The following DSTYK variants were observed in gnomAD, a reference collection of about 807,000 sequenced individuals.
DSTYK encodes the protein dual serine/threonine and tyrosine protein kinase.
Under a neutral mutation model 98.7 loss-of-function variants are expected in DSTYK, and 34 were observed. The ratio of observed to expected loss-of-function variants is 0.34; its 90% CI spans 0.26 to 0.46. DSTYK has a LOEUF of 0.46. DSTYK is among the 20% of genes least tolerant of loss of function. DSTYK has a pLI of 1.00. For synonymous variants in DSTYK, 462 were observed against 457.3 expected (o/e 1.01, Z -0.13); for missense variants, 962 against 1,181.7 (o/e 0.81, Z 2.73).
chr1:205,187,190 G>C (rs1299209703), intron 2 of DSTYK, among the ~76,000 whole-genome samples: 1 of 152,192 alleles, frequency 6.6e-6, no homozygotes, highest in Non-Finnish European at 1.5e-5. Flanking sequence ...GAAGTGAGGA[G>C]ACAAGCAAAC....
rs1326263655 is a variant in DSTYK at position 205,147,123 on chromosome 1, G to C, written c.*435C>G. On this transcript the variant is annotated 3_prime_UTR_variant, in exon 13 of 13. Transcript: ENST00000367162. ...CATGTTTTCATAATCCCAGAACTAA[G>C]CTCAAATTTTCTGAGTCCTGACTAA... 6.5e-6 allele frequency: 1 copy of C among 153,754 alleles called. No homozygotes were observed. The allele number at this position is 153,754 out of a possible 1,614,324, so 9.5% of individuals were successfully genotyped here. A position where few individuals can be genotyped will look rare whatever the true frequency, so the allele number is the denominator to read the frequency against.
At chr1:205,172,243 C>CTGG (rs1217858174) in intron 2 of DSTYK, among the ~76,000 whole-genome samples, 3 of 151,944 alleles carry the variant, frequency 2.0e-5, no homozygotes, top group Admixed American at 2.0e-4. Flanking sequence ...AGGTGTGAGC[C>CTGG]ACCACACCCA....
chr1:205,198,631 A>C lies in DSTYK; in HGVS notation c.266-10825T>G, dbSNP rs963450642. On this transcript the variant is annotated intron_variant, in intron 1 of 12. Transcript: ENST00000367162. ...TTCTCACTGTCCCTCTCATTTGAAT[A>C]GAAAGAGCTTTTATTTAAAATAGTC... 5.3e-5 allele frequency among the ~76,000 whole-genome samples: 8 copies of C among 152,340 alleles called. No homozygotes were observed. The East Asian group carries it at 1.3e-3, about 26-fold the overall frequency.
In DSTYK at chr1:205,144,816, A is replaced by G. The variant is rs903118974; in HGVS notation, c.*2742T>C. On this transcript the variant is annotated 3_prime_UTR_variant, in exon 13 of 13. Transcript: ENST00000367162. ...GGAAAAAACTGTTGGGGAATCTGCT[A>G]GAGAACTGGTATCTGACAGCAAACT... is the stretch of plus-strand genomic sequence containing the variant. The G allele has an allele frequency of 2.0e-5, 3 of 152,178 alleles. No individual in the cohort carries two copies. The highest frequency in any genetic ancestry group is 7.2e-5 in the African/African-American group (3 of 41,444). The allele number at this position is 152,178 out of a possible 1,614,324, so 9.4% of individuals were successfully genotyped here.
chr1:205,191,644 A>G (rs1433953665), intron 1 of DSTYK, among the ~76,000 whole-genome samples: 1 of 152,196 alleles, frequency 6.6e-6, no homozygotes, highest in African/African-American at 2.4e-5. Flanking sequence ...TGTGAATTTA[A>G]TTACGCAAGT....
intron 11 of DSTYK, 127 bp from the exon 12 acceptor site, chr1:205,148,466 A>G: frequency 8.6e-7 from 1 of 1,159,062 alleles, no homozygotes; most frequent in Non-Finnish European, 1.2e-6. Flanking sequence ...CTCAATAACA[A>G]CCCTGCCAGG....
intron 4 of DSTYK, among the ~76,000 whole-genome samples, 153 bp downstream of exon 4, chr1:205,163,570 G>A (rs1291693192): frequency 6.6e-6 from 1 of 152,160 alleles, no homozygotes; most frequent in Non-Finnish European, 1.5e-5. Flanking sequence ...TCTCCCACAG[G>A]CAGTGGTCAT....
chr1:205,207,280 C>T (rs1189448070), intron 1 of DSTYK, among the ~76,000 whole-genome samples: 3 of 149,764 alleles, frequency 2.0e-5, no homozygotes, highest in African/African-American at 7.4e-5. Context: ...GGTTTCACCA[C>T]GTTGGCCAGG....
chr1:205,208,802 T>C (rs1223017195), intron 1 of DSTYK, among the ~76,000 whole-genome samples: 1 of 152,216 alleles, frequency 6.6e-6, no homozygotes, highest in Non-Finnish European at 1.5e-5. Context: ...GCTAGTTGTC[T>C]TTTTAGGAGT....
chr1:205,199,049 C>A (rs111809819), intron 1 of DSTYK, among the ~76,000 whole-genome samples: 3 of 152,000 alleles, frequency 2.0e-5, no homozygotes, highest in Non-Finnish European at 4.4e-5. Context: ...TTTAAAAAAT[C>A]AAAGGCTTTT....
At chr1:205,152,064 T>C (rs1158768311) in intron 10 of DSTYK, among the ~76,000 whole-genome samples, 1 of 152,254 alleles carries the variant, frequency 6.6e-6, no homozygotes, top group Non-Finnish European at 1.5e-5. Context: ...TGCTATACTT[T>C]TATATCAGTA....
chr1:205,196,758 A>ATTTTTTTTTT (rs113524415), intron 1 of DSTYK, among the ~76,000 whole-genome samples: 1 of 109,866 alleles, frequency 9.1e-6, no homozygotes, highest in Non-Finnish European at 1.7e-5. Flanking sequence ...AAAATGGTGA[A>ATTTTTTTTTT]TTTTTTTTTT....
At chr1:205,170,437 T>A (rs1658025177) in intron 2 of DSTYK, among the ~76,000 whole-genome samples, 1 of 152,184 alleles carries the variant, frequency 6.6e-6, no homozygotes, top group African/African-American at 2.4e-5. Context: ...CTTTCCCCCA[T>A]GGGTCTGTAA....
rs1431869026 is a variant in DSTYK, at chr1:205,146,189, A to G, written c.*1369T>C. The G allele has an allele frequency of 6.6e-6, 1 of 152,192 alleles. No individual in the cohort carries two copies. The allele number at this position is 152,192 out of a possible 1,614,324, so 9.4% of individuals were successfully genotyped here. A position where few individuals can be genotyped will look rare whatever the true frequency, so the allele number is the denominator to read the frequency against. Reference sequence around the variant, plus strand: ...AAAGCTCATTGATCAAGTTTTCCAAACGTCAGTGTGTTAGATTCAAACACA... The same window carrying G: ...AAAGCTCATTGATCAAGTTTTCCAAGCGTCAGTGTGTTAGATTCAAACACA... On this transcript the variant is annotated 3_prime_UTR_variant, in exon 13 of 13. Coordinates refer to ENST00000367162, the MANE Select transcript of DSTYK (RefSeq NM_015375.3).
intron 1 of DSTYK, among the ~76,000 whole-genome samples, chr1:205,192,270 G>T (rs1046446850): frequency 6.6e-6 from 1 of 152,124 alleles, no homozygotes; most frequent in Admixed American, 6.5e-5. Flanking sequence ...GGTGGCTCAC[G>T]CCTATAATCC....
Position 205,145,862 on chromosome 1 carries a change from T to G in DSTYK, c.*1696A>C, listed in dbSNP as rs778190852. 13 of 152,200 alleles carry G rather than the reference T, an allele frequency of 8.5e-5. No individual in the cohort carries two copies. The highest frequency in any genetic ancestry group is 1.8e-4 in the Non-Finnish European group (12 of 68,048). 9.4% of individuals were successfully genotyped at this position (152,200 alleles called of 1,614,324 possible). A position where few individuals can be genotyped will look rare whatever the true frequency, so the allele number is the denominator to read the frequency against. ...GTTTTTCGGAATCTAATGGACCAGT[T>G]TGGTTGAGGAAGGCTTGAAGTCAAG... On this transcript the variant is annotated 3_prime_UTR_variant, in exon 13 of 13. Coordinates refer to ENST00000367162, the MANE Select transcript of DSTYK (RefSeq NM_015375.3).
At chr1:205,209,958 T>C (rs1451191543) in intron 1 of DSTYK, among the ~76,000 whole-genome samples, 5 of 152,024 alleles carry the variant, frequency 3.3e-5, no homozygotes, top group Non-Finnish European at 5.9e-5. Flanking sequence ...TGGAGTGCAG[T>C]GGCACAATCT....
Position 205,209,654 on chromosome 1 carries a change from GTTTTTCT to G in DSTYK, c.265+1610_265+1616del, listed in dbSNP as rs1370253708. Among the ~76,000 whole-genome samples, 28 of 45,330 alleles carry G rather than the reference GTTTTTCT, an allele frequency of 6.2e-4. 7 individuals carry two copies. The highest frequency in any genetic ancestry group is 0.05 in the Middle Eastern group (2 of 40). 29.7% of individuals were successfully genotyped at this position (45,330 alleles called of 152,430 possible). A position where few individuals can be genotyped will look rare whatever the true frequency, so the allele number is the denominator to read the frequency against. ...ATGACTAGTTTTTCTGAAACTACTA[GTTTTTCT>G]GATACTGTCATGATCTTAGTATCTT... On this transcript the variant is annotated intron_variant, in intron 1 of 12. Coordinates refer to ENST00000367162, the MANE Select transcript of DSTYK (RefSeq NM_015375.3).
intron 1 of DSTYK, among the ~76,000 whole-genome samples, chr1:205,206,098 A>G (rs920150132): frequency 5.3e-5 from 8 of 152,170 alleles, no homozygotes; most frequent in Non-Finnish European, 5.9e-5. Flanking sequence ...TTTCTTTCTT[A>G]AAAGTATAGA....
Sources: gnomAD v4.1 joint callset for allele counts (sites outside exome capture counted in the v4.1 genomes callset) on GRCh38, gnomAD v4.1.1 for gene constraint, MANE v1.5 for transcripts, NCBI Gene and HGNC (gene_info 2026-07-23, HGNC 2026-07-21) for gene names.